HIP1: variants seen among roughly 807,000 people sequenced by gnomAD.
The protein encoded by HIP1 is huntingtin-interacting protein 1.
In HIP1, 65 loss-of-function variants were observed where a neutral mutation model predicts 147.6. The observed-to-expected ratio is 0.44, with a 90% CI of 0.36 to 0.54. HIP1 has a LOEUF of 0.54. HIP1 is among the 20% of genes least tolerant of loss of function. HIP1 has a pLI of 0.00. For missense variants in HIP1, 1,061 were observed against 1,299.6 expected, an observed-to-expected ratio of 0.82 and a Z score of 2.82; for synonymous variants, 479 against 504.0, an observed-to-expected ratio of 0.95 and a Z score of 0.67.
chr7:75,668,697 C>A (rs1554514889), intron 1 of HIP1, among the ~76,000 whole-genome samples: 2 of 152,188 alleles, frequency 1.3e-5, no homozygotes, highest in African/African-American at 4.8e-5. Flanking sequence ...CATCAGCTCA[C>A]CGCTGGACCA....
chr7:75,698,924 A>G (rs145052077), intron 1 of HIP1, among the ~76,000 whole-genome samples: 78 of 152,250 alleles, frequency 5.1e-4, no homozygotes, highest in African/African-American at 1.6e-3. Context: ...GGACACAATA[A>G]GAGATCAGTC....
chr7:75,586,782 G>A lies in HIP1; in HGVS notation c.436C>T (p.Leu146=). ...GTGTGGTACTCCATCTTGGTTCTTA[G>A]CAGTTTCAGGTAGATGCTGCACAGC... ...GQLCSIYLKL[L]RTKMEYHTKN... The change falls in exon 5 of 31, where the codon CTA becomes TTA. Residue 146 remains leucine, a synonymous_variant. Coordinates refer to ENST00000336926, the MANE Select transcript of HIP1 (RefSeq NM_005338.7). The A allele has an allele frequency of 1.9e-6, 3 of 1,613,554 alleles. No homozygotes were observed. Among genetic ancestry groups the A allele is most frequent in the Non-Finnish European group, 2.5e-6 (3 of 1,179,554 alleles).
chr7:75,690,362 A>G (rs1453617313), intron 1 of HIP1, among the ~76,000 whole-genome samples: 1 of 152,216 alleles, frequency 6.6e-6, no homozygotes, highest in African/African-American at 2.4e-5. Context: ...GCACACGAAA[A>G]GACGCTTAAC....
intron 1 of HIP1, among the ~76,000 whole-genome samples, chr7:75,717,496 A>C (rs188379880): frequency 1.2e-4 from 18 of 152,012 alleles, no homozygotes; most frequent in Admixed American, 3.3e-4. Context: ...ATCTTCCATA[A>C]TGGCAGGTTC....
chr7:75,617,704 G>A (rs1380595354), intron 1 of HIP1, among the ~76,000 whole-genome samples: 1 of 152,188 alleles, frequency 6.6e-6, no homozygotes, highest in Non-Finnish European at 1.5e-5. Flanking sequence ...GGAGAAGCGG[G>A]CCCATATGCC....
intron 20 of HIP1, 86 bp downstream of exon 20, chr7:75,554,354 G>A (rs782279900): frequency 1.5e-5 from 19 of 1,302,014 alleles, no homozygotes; most frequent in East Asian, 1.2e-4. Flanking sequence ...GATGCAGAGG[G>A]ACCTGTCACT....
chr7:75,684,116 C>T (rs904233170), intron 1 of HIP1, among the ~76,000 whole-genome samples: 1 of 151,628 alleles, frequency 6.6e-6, no homozygotes, highest in Non-Finnish European at 1.5e-5. Context: ...CCAGCCTGAG[C>T]GACATAGTGA....
chr7:75,553,691 C>T lies in HIP1; in HGVS notation c.2159-102G>A, dbSNP rs587618617. 1.8e-4 allele frequency: 195 copies of T among 1,101,712 alleles called. 1 individual carries two copies. The highest frequency in any genetic ancestry group is 2.4e-4 in the Non-Finnish European group (182 of 771,172). 68.2% of individuals were successfully genotyped at this position (1,101,712 alleles called of 1,614,324 possible). A position where few individuals can be genotyped will look rare whatever the true frequency, so the allele number is the denominator to read the frequency against. Reference sequence around the variant, plus strand: ...CGCCATCTCGGCTCACTGCAAACTCCGCCTCCTGAGTTCAAGCGATTCTCC... The same window carrying T: ...CGCCATCTCGGCTCACTGCAAACTCTGCCTCCTGAGTTCAAGCGATTCTCC... On this transcript the variant is annotated intron_variant, in intron 21 of 30. Coordinates refer to ENST00000336926, the MANE Select transcript of HIP1 (RefSeq NM_005338.7).
chr7:75,675,459 CT>C (rs1799859759), intron 1 of HIP1, among the ~76,000 whole-genome samples: 1 of 152,174 alleles, frequency 6.6e-6, no homozygotes, highest in Non-Finnish European at 1.5e-5. Context: ...ACCTTGGCCT[CT>C]CAAAGTGCTG....
At chr7:75,731,121 C>G (rs1459477952) in intron 1 of HIP1, among the ~76,000 whole-genome samples, 8 of 152,030 alleles carry the variant, frequency 5.3e-5, no homozygotes, top group African/African-American at 1.9e-4. Context: ...CTCTTAACTT[C>G]CTTCTTAAGT....
In HIP1 at chr7:75,559,919, TG is replaced by T. The variant is rs782521553; in HGVS notation, c.1192-5del. On this transcript the variant is annotated splice_polypyrimidine_tract_variant and splice_region_variant and intron_variant, in intron 13 of 30. Transcript: ENST00000336926. ...GCTGCAGCACAACCCGCTGGCTCTG[TG>T]GGGGGACTCCGGTCATGAGGCCAAC... 14 of 1,594,312 alleles carry T rather than the reference TG, an allele frequency of 8.8e-6. No homozygotes were observed. The Admixed American group carries it at 2.5e-4, about 28-fold the overall frequency.
intron 5 of HIP1, among the ~76,000 whole-genome samples, 154 bp downstream of exon 5, chr7:75,586,599 T>C (rs1796293432): frequency 6.6e-6 from 1 of 152,194 alleles, no homozygotes; most frequent in African/African-American, 2.4e-5. Context: ...GCGGTGGCTT[T>C]CCTCTCTCAC....
chr7:75,639,250 G>T (rs1171089667), intron 1 of HIP1: 2 of 900,904 alleles, frequency 2.2e-6, no homozygotes, highest in East Asian at 1.2e-4. Context: ...AGGAAGGGGA[G>T]GGGGAGGGGA....
In HIP1 at chr7:75,568,517, G is replaced by C. The variant is rs1430373553; in HGVS notation, c.746-261C>G. ...AGGACAAGCCATGCCGGGCACAATAGGGTGGAAATTGTGTCCTGGACTAGA... is the reference window on the plus strand; with the variant it reads ...AGGACAAGCCATGCCGGGCACAATACGGTGGAAATTGTGTCCTGGACTAGA... On this transcript the variant is annotated intron_variant, in intron 8 of 30. Transcript: ENST00000336926. This position sits in a 1 kb window ranked among gnomAD's most constrained non-coding sequence, Gnocchi z 4.1. 2.0e-5 allele frequency among the ~76,000 whole-genome samples: 3 copies of C among 152,216 alleles called. No homozygotes were observed. Among genetic ancestry groups the C allele is most frequent in the Non-Finnish European group, 1.5e-5 (1 of 68,040 alleles).
In HIP1 at chr7:75,533,345, T is replaced by C. The variant is rs180900752; in HGVS notation, c.*4827A>G. 9.1e-6 allele frequency: 2 copies of C among 218,814 alleles called. No homozygotes were observed. Among genetic ancestry groups the C allele is most frequent in the African/African-American group, 4.5e-5 (2 of 44,570 alleles). The allele number at this position is 218,814 out of a possible 1,614,324, so 13.6% of individuals were successfully genotyped here. On this transcript the variant is annotated 3_prime_UTR_variant, in exon 31 of 31. Coordinates refer to ENST00000336926, the MANE Select transcript of HIP1 (RefSeq NM_005338.7). ...TGAAAAATTGAAAACACAGATGCAA[T>C]GTATTATACAAAGAAAGGTCTTAAT...
At chr7:75,547,686 CA>C in intron 24 of HIP1, 68 bp downstream of exon 24, 1 of 1,323,922 alleles carries the variant, frequency 7.6e-7, no homozygotes, top group Middle Eastern at 1.9e-4. Context: ...AATAAGTATG[CA>C]AAGTATAGAC....
intron 1 of HIP1, among the ~76,000 whole-genome samples, chr7:75,629,264 C>T (rs140083857): frequency 5.9e-5 from 9 of 152,280 alleles, no homozygotes; most frequent in Non-Finnish European, 1.2e-4. Flanking sequence ...AGCATATCCA[C>T]GTCTGATTGT....
At chr7:75,670,902 G>A (rs931375382) in intron 1 of HIP1, among the ~76,000 whole-genome samples, 16 of 147,704 alleles carry the variant, frequency 1.1e-4, no homozygotes, top group African/African-American at 4.0e-4. Context: ...GATTACAGGC[G>A]TGAGCCACCG....
rs782429158 is a variant in HIP1, at chr7:75,562,122, T to C, written c.1069A>G (p.Ser357Gly). 1 of 1,613,934 alleles carries C rather than the reference T, an allele frequency of 6.2e-7. No individual in the cohort carries two copies. The highest frequency in any genetic ancestry group is 1.3e-5 in the African/African-American group (1 of 75,064). The change falls in exon 12 of 31, where the codon AGT becomes GGT. Residue 357 changes from serine (S) to glycine (G), a missense_variant. Around this residue, in one of 3 missense-constraint regions of HIP1, gnomAD observed 810 missense variants for 946.8 expected, o/e 0.86. Coordinates refer to ENST00000336926, the MANE Select transcript of HIP1 (RefSeq NM_005338.7). ...FDDIFGSSFS[S>G]DPFNFNSQNG... Reference sequence around the variant, plus strand: ...TGACTGTTGAAATTGAAGGGATCACTGCTGAATGAACTGCCAAAGATGTCA... The same window carrying C: ...TGACTGTTGAAATTGAAGGGATCACCGCTGAATGAACTGCCAAAGATGTCA...
Sources: gnomAD v4.1 joint callset for allele counts (sites outside exome capture counted in the v4.1 genomes callset) on GRCh38, gnomAD v4.1.1 for gene constraint, gnomAD v4.1.1 regional missense constraint, Gnocchi (gnomAD v3.1) non-coding constraint, MANE v1.5 for transcripts, NCBI Gene and HGNC (gene_info 2026-07-23, HGNC 2026-07-21) for gene names.